LRRIQ1: variants seen among roughly 807,000 people sequenced by gnomAD.
The protein encoded by LRRIQ1 is leucine rich repeats and IQ motif containing 1, also known as leucine-rich repeat- and IQ domain-containing protein 1.
In LRRIQ1, 210 loss-of-function variants were observed where a neutral mutation model predicts 211.9. The observed-to-expected ratio is 0.99, with a 90% CI of 0.89 to 1.11. The LOEUF (loss-of-function observed/expected upper bound fraction) is 1.11, where lower values mean the gene tolerates loss of function less well. Ranked by LOEUF, LRRIQ1 falls within the 50% of genes most tolerant of loss-of-function variation. The pLI, the probability that LRRIQ1 is intolerant of heterozygous loss-of-function variation, is 0.00. For synonymous variants in LRRIQ1, 699 were observed against 650.1 expected (o/e 1.08, Z -1.14); for missense variants, 2,136 against 1,939.5 (o/e 1.10, Z -1.90).
intron 1 of LRRIQ1, among the ~76,000 whole-genome samples, chr12:85,253,258 A>G (rs1858771079): frequency 1.3e-5 from 2 of 152,080 alleles, no homozygotes; most frequent in Non-Finnish European, 2.9e-5. Flanking sequence ...AAACCCCACT[A>G]AACATAAATA....
At chr12:85,195,395 C>G (rs1357214669) in intron 24 of LRRIQ1, among the ~76,000 whole-genome samples, 1 of 152,012 alleles carries the variant, frequency 6.6e-6, no homozygotes, top group Non-Finnish European at 1.5e-5. Context: ...AGACCAATAT[C>G]CTTGATGAAC....
intron 24 of LRRIQ1, among the ~76,000 whole-genome samples, chr12:85,192,520 AT>A (rs1892590129): frequency 1.6e-5 from 2 of 122,754 alleles, no homozygotes; most frequent in African/African-American, 6.4e-5. Flanking sequence ...ATATATAGTT[AT>A]ATAATATAAT....
At chr12:85,101,885 G>T (rs1211487525) in intron 13 of LRRIQ1, among the ~76,000 whole-genome samples, 1 of 151,444 alleles carries the variant, frequency 6.6e-6, no homozygotes, top group African/African-American at 2.4e-5. Context: ...TTGGTTATTT[G>T]CATTTGAGGT....
intron 14 of LRRIQ1, among the ~76,000 whole-genome samples, chr12:85,105,384 G>T (rs74111836): frequency 6.6e-6 from 1 of 151,998 alleles, no homozygotes; most frequent in Non-Finnish European, 1.5e-5. Context: ...TGAAGTAGAG[G>T]TTGAGTTCAT....
chr12:85,137,708 G>T (rs1889231625), intron 18 of LRRIQ1, 142 bp from the exon 19 acceptor site: 3 of 589,978 alleles, frequency 5.1e-6, no homozygotes, highest in Non-Finnish European at 5.4e-6. Context: ...AGTTTTAAGT[G>T]TCACATAAAG....
chr12:85,221,167 T>G (rs1353801037), intron 24 of LRRIQ1, among the ~76,000 whole-genome samples: 1 of 152,120 alleles, frequency 6.6e-6, no homozygotes, highest in Non-Finnish European at 1.5e-5. Context: ...CAATCTAATC[T>G]TGACCTTCAG....
chr12:85,196,465 G>C (rs1892918353), intron 24 of LRRIQ1, among the ~76,000 whole-genome samples: 1 of 152,008 alleles, frequency 6.6e-6, no homozygotes, highest in Non-Finnish European at 1.5e-5. Context: ...CATGGTACTG[G>C]TACCAAAACA....
In LRRIQ1 at chr12:85,121,843, A is replaced by G. The variant is rs1002399109; in HGVS notation, c.3524A>G (p.Asn1175Ser). Residue 1175 changes from asparagine (N) to serine (S), a missense_variant, in exon 16 of 27, where the codon AAC becomes AGC. Transcript: ENST00000393217. ...ALCQSQIREF[N>S]LLIENYITGK... ...TGTCAGTCTCAGATTCGAGAATTCA[A>G]CTTGCTAATTGAAAATTATATAACT... 1 of 1,607,132 alleles carries G rather than the reference A, an allele frequency of 6.2e-7. No homozygotes were observed. Among genetic ancestry groups the G allele is most frequent in the African/African-American group, 1.3e-5 (1 of 74,606 alleles).
intron 24 of LRRIQ1, among the ~76,000 whole-genome samples, chr12:85,223,495 T>G (rs1565913443): frequency 6.6e-6 from 1 of 152,166 alleles, no homozygotes; most frequent in Non-Finnish European, 1.5e-5. Context: ...TACAGTATCT[T>G]GTAGTGATAT....
At chr12:85,113,876 G>T (rs1887362585) in intron 15 of LRRIQ1, among the ~76,000 whole-genome samples, 2 of 149,890 alleles carry the variant, frequency 1.3e-5, no homozygotes, top group African/African-American at 2.5e-5. Flanking sequence ...AATCATAAGG[G>T]TATCAGAAAT....
At position 85,197,922 on chromosome 12, in the gene LRRIQ1, A is replaced by G. The variant is rs1469187261; in HGVS notation, c.4823-31595A>G. ...ATAATAAAATATATAATAAAAATAT[A>G]TATAATATAATTATATATATTTATA... On this transcript the variant is annotated intron_variant, in intron 24 of 26. Transcript: ENST00000393217. Among the ~76,000 whole-genome samples the G allele has an allele frequency of 5.2e-4, 62 of 118,872 alleles. 1 individual carries two copies. In the East Asian group the frequency reaches 0.012, roughly 23 times the overall value. The allele number at this position is 118,872 out of a possible 152,430, so 78.0% of individuals were successfully genotyped here. A position where few individuals can be genotyped will look rare whatever the true frequency, so the allele number is the denominator to read the frequency against.
intron 26 of LRRIQ1, among the ~76,000 whole-genome samples, chr12:85,242,579 C>T (rs942766060): frequency 1.3e-5 from 2 of 151,998 alleles, no homozygotes; most frequent in African/African-American, 4.8e-5. Context: ...ATACAATTTA[C>T]ATGACATTGA....
At chr12:85,154,838 A>G (rs1233327466) in intron 23 of LRRIQ1, among the ~76,000 whole-genome samples, 1 of 151,232 alleles carries the variant, frequency 6.6e-6, no homozygotes, top group African/African-American at 2.4e-5. Flanking sequence ...TAAAGTTCTT[A>G]CTGTTAGTAA....
chr12:85,087,396 A>G (rs1305355805), intron 11 of LRRIQ1, among the ~76,000 whole-genome samples: 9 of 152,336 alleles, frequency 5.9e-5, no homozygotes, highest in Middle Eastern at 3.4e-3. Context: ...TAGTGCCGCA[A>G]TAAACATATG....
rs1366914685 is a variant in LRRIQ1, at chr12:85,250,874, TTATATTATATATAATATATTTTA to T, written c.121+6001_121+6023del. Among the ~76,000 whole-genome samples the T allele has an allele frequency of 6.2e-3, 338 of 54,900 alleles. 4 individuals carry two copies. The highest frequency in any genetic ancestry group is 8.4e-3 in the African/African-American group (92 of 10,974). The allele number at this position is 54,900 out of a possible 152,430, so 36.0% of individuals were successfully genotyped here. On this transcript the variant is annotated intron_variant, in intron 1 of 1. Transcript: ENST00000602731. ...TATAATATATATTATAGATTATATA[TTATATTATATATAATATATTTTA>T]TATATTATATATAATATATTTTATA...
intron 11 of LRRIQ1, among the ~76,000 whole-genome samples, chr12:85,081,159 C>T (rs995711390): frequency 1.3e-5 from 2 of 151,814 alleles, no homozygotes; most frequent in African/African-American, 4.8e-5. Flanking sequence ...TGAAGAGGGC[C>T]CTAGAAGCCA....
At chr12:85,229,414 T>C in intron 24 of LRRIQ1, 103 bp from the exon 25 acceptor site, 4 of 889,446 alleles carry the variant, frequency 4.5e-6, no homozygotes, top group Non-Finnish European at 4.9e-6. Context: ...AAGTTAGTAT[T>C]TTTTTTTCTT....
At chr12:85,203,304 T>G (rs2137029372) in intron 24 of LRRIQ1, among the ~76,000 whole-genome samples, 1 of 152,338 alleles carries the variant, frequency 6.6e-6, no homozygotes, top group South Asian at 2.1e-4. Flanking sequence ...AACCTCTTTC[T>G]TTTGTAAATT....
intron 24 of LRRIQ1, among the ~76,000 whole-genome samples, chr12:85,163,969 G>T (rs531145459): frequency 5.4e-4 from 82 of 152,168 alleles, no homozygotes; most frequent in East Asian, 5.8e-4. Flanking sequence ...TCACCTATTA[G>T]CCAGTTTTTC....
Sources: allele counts gnomAD v4.1 joint callset (sites outside exome capture counted in the v4.1 genomes callset), GRCh38; gene constraint gnomAD v4.1.1; transcripts MANE v1.5; gene names NCBI Gene and HGNC (gene_info 2026-07-23, HGNC 2026-07-21).